The following CSRNP3 variants were observed in gnomAD, a reference collection of about 807,000 sequenced individuals.
The protein encoded by CSRNP3 is cysteine/serine-rich nuclear protein 3.
CSRNP3 carries 12 observed loss-of-function variants against 48.0 expected under a neutral mutation model. The observed-to-expected ratio is 0.25, with a 90% CI of 0.16 to 0.41. The LOEUF (loss-of-function observed/expected upper bound fraction) is 0.41. Among genes scored for constraint, CSRNP3 ranks in the 10% least tolerant of loss-of-function variants. The pLI is 1.00. For synonymous variants in CSRNP3, 263 were observed against 269.7 expected, an observed-to-expected ratio of 0.98 and a Z score of 0.24; for missense variants, 580 against 724.4, an observed-to-expected ratio of 0.80 and a Z score of 2.29.
chr2:165,511,901 G>A (rs1477323076), intron 2 of CSRNP3, among the ~76,000 whole-genome samples: 2 of 152,156 alleles, frequency 1.3e-5, no homozygotes, highest in Admixed American at 1.3e-4. Flanking sequence ...AGCAGGAGGA[G>A]AACTGAATTT....
At chr2:165,477,709 G>A (rs932144494) in intron 1 of CSRNP3, among the ~76,000 whole-genome samples, 1 of 150,824 alleles carries the variant, frequency 6.6e-6, no homozygotes, top group Non-Finnish European at 1.5e-5. Flanking sequence ...AGGCATGGTG[G>A]CTCACACCTG....
chr2:165,649,810 A>C (rs1455898033), intron 4 of CSRNP3, among the ~76,000 whole-genome samples: 4 of 152,234 alleles, frequency 2.6e-5, no homozygotes, highest in African/African-American at 9.6e-5. Context: ...CTTTAGGTAC[A>C]TTAAGATACT....
At chr2:165,594,074 C>G (rs1478295484) in intron 3 of CSRNP3, among the ~76,000 whole-genome samples, 1 of 151,842 alleles carries the variant, frequency 6.6e-6, no homozygotes, top group Middle Eastern at 3.2e-3. Context: ...GGTGCCATCC[C>G]CAAGGTACCT....
At chr2:165,644,690 A>G (rs1158894091) in intron 4 of CSRNP3, among the ~76,000 whole-genome samples, 2 of 152,178 alleles carry the variant, frequency 1.3e-5, no homozygotes, top group Non-Finnish European at 2.9e-5. Context: ...ACTCTGTGGA[A>G]GGCTTCCTGG....
In CSRNP3 at chr2:165,679,860, C is replaced by A; in HGVS notation, c.*107C>A. 6.9e-7 allele frequency: 1 copy of A among 1,457,088 alleles called. No individual in the cohort carries two copies. The highest frequency in any genetic ancestry group is 1.4e-5 in the South Asian group (1 of 72,180). 90.3% of individuals were successfully genotyped at this position (1,457,088 alleles called of 1,614,324 possible). A position where few individuals can be genotyped will look rare whatever the true frequency, so the allele number is the denominator to read the frequency against. The stretch of plus-strand genomic sequence containing the variant: ...AAACTGAAGACCAAGAAAACTTGGA[C>A]GGTGGTTAATCTTCCAGACTGTATT... On this transcript the variant is annotated 3_prime_UTR_variant, in exon 7 of 7. Coordinates refer to ENST00000651982, the MANE Select transcript of CSRNP3 (RefSeq NM_001172173.2).
chr2:165,492,575 C>T (rs942292406), intron 1 of CSRNP3, among the ~76,000 whole-genome samples: 1 of 151,974 alleles, frequency 6.6e-6, no homozygotes, highest in African/African-American at 2.4e-5. Context: ...CTTGCTCAGT[C>T]AACCCTATAG....
At chr2:165,572,154 TA>T (rs72098313) in intron 3 of CSRNP3, among the ~76,000 whole-genome samples, 1,918 of 151,714 alleles carry the variant, frequency 0.013, 36 homozygotes, top group African/African-American at 0.043. Context: ...TTTTCTATAA[TA>T]AAAAAAAATC....
At chr2:165,567,742 CT>C (rs545861355) in intron 3 of CSRNP3, among the ~76,000 whole-genome samples, 82 of 151,416 alleles carry the variant, frequency 5.4e-4, no homozygotes, top group Non-Finnish European at 8.4e-4. Flanking sequence ...CTTTTCCACA[CT>C]TTTTTTTTCC....
At chr2:165,498,185 T>C (rs1289000667) in intron 2 of CSRNP3, among the ~76,000 whole-genome samples, 1 of 152,118 alleles carries the variant, frequency 6.6e-6, no homozygotes, top group Admixed American at 6.6e-5. Context: ...TACATTTACA[T>C]GAAGGAAATC....
chr2:165,519,931 G>A (rs960722183), intron 3 of CSRNP3, among the ~76,000 whole-genome samples: 2 of 152,098 alleles, frequency 1.3e-5, no homozygotes, highest in African/African-American at 2.4e-5. Flanking sequence ...AAAAGAGATA[G>A]ATGTCACTTC....
chr2:165,657,986 T>A lies in CSRNP3; in HGVS notation c.374T>A (p.Leu125His). ...RLHREMLREH[L>H]REEKLNSLKL... ...CACCGGGAGATGTTGAGAGAACACC[T>A]TAGGGAGGAAAAGCTGAACTCCTTA... The change falls in exon 5 of 7, where the codon CTT becomes CAT. Residue 125 changes from leucine (L) to histidine (H), a missense_variant. This residue lies in a region of CSRNP3 where 62 missense variants were observed against 66.4 expected (regional missense o/e 0.93). Transcript: ENST00000651982. 6.2e-7 allele frequency: 1 copy of A among 1,613,578 alleles called. No individual in the cohort carries two copies. Among genetic ancestry groups the A allele is most frequent in the Non-Finnish European group, 8.5e-7 (1 of 1,179,896 alleles).
At chr2:165,629,518 C>G (rs1277305150) in intron 4 of CSRNP3, among the ~76,000 whole-genome samples, 1 of 152,076 alleles carries the variant, frequency 6.6e-6, no homozygotes, top group African/African-American at 2.4e-5. Context: ...AGTTATGATG[C>G]CTTTTGTTGT....
chr2:165,568,625 A>T (rs528901697), intron 3 of CSRNP3, among the ~76,000 whole-genome samples: 1 of 152,202 alleles, frequency 6.6e-6, no homozygotes, highest in African/African-American at 2.4e-5. Context: ...CACAGGGTTT[A>T]TTAGGACCTA....
In CSRNP3 at chr2:165,511,550, G is replaced by GACT. The variant is rs1684506138; in HGVS notation, c.-112-6320_-112-6318dup. On this transcript the variant is annotated intron_variant, in intron 2 of 6. Transcript: ENST00000651982. ...CTTCATCATAACATGATTGAAGACA[G>GACT]ACTACATGATCACAAATGCCAAGTG... Among the ~76,000 whole-genome samples, 3 of 152,130 alleles carry GACT rather than the reference G, an allele frequency of 2.0e-5. No individual in the cohort carries two copies. The East Asian group carries it at 5.8e-4, about 29-fold the overall frequency.
chr2:165,669,068 T>C (rs1687285042), intron 5 of CSRNP3, among the ~76,000 whole-genome samples: 1 of 152,252 alleles, frequency 6.6e-6, no homozygotes. Context: ...TGGAACTTAA[T>C]GGCTAGTATT....
chr2:165,502,937 A>ATG (rs371370898), intron 2 of CSRNP3, among the ~76,000 whole-genome samples: 17 of 151,162 alleles, frequency 1.1e-4, no homozygotes, highest in African/African-American at 3.6e-4. Flanking sequence ...TGCCTTGTGT[A>ATG]TGTGTGTGTG....
At chr2:165,572,834 A>G (rs1685393076) in intron 3 of CSRNP3, among the ~76,000 whole-genome samples, 1 of 152,218 alleles carries the variant, frequency 6.6e-6, no homozygotes, top group South Asian at 2.1e-4. Flanking sequence ...TATGGGTAAG[A>G]AATAAATTCA....
In CSRNP3 at chr2:165,586,294, T is replaced by A. The variant is rs74811616; in HGVS notation, c.-23-8749T>A. 8.7e-4 allele frequency among the ~76,000 whole-genome samples: 132 copies of A among 152,270 alleles called. 2 individuals are homozygous for A. In the East Asian group the frequency reaches 0.024, roughly 28 times the overall value. On this transcript the variant is annotated intron_variant, in intron 3 of 6. Transcript: ENST00000651982. ...GACTTTACATGTTTTATTTACTGGG[T>A]TTCAAGGGCAGGAATTTTCATGTAC...
chr2:165,549,347 G>C (rs1685069781), intron 3 of CSRNP3, among the ~76,000 whole-genome samples: 1 of 152,070 alleles, frequency 6.6e-6, no homozygotes, highest in Non-Finnish European at 1.5e-5. Context: ...TTTGTTGGGA[G>C]AGTTGAAAGT....
Sources: gnomAD v4.1 joint callset for allele counts (sites outside exome capture counted in the v4.1 genomes callset) on GRCh38, gnomAD v4.1.1 for gene constraint, gnomAD v4.1.1 regional missense constraint, MANE v1.5 for transcripts, NCBI Gene and HGNC (gene_info 2026-07-23, HGNC 2026-07-21) for gene names.